The following PXN variants were observed in gnomAD, a reference collection of about 807,000 sequenced individuals.
PXN encodes the protein paxillin, also known as testicular tissue protein Li 134.
PXN carries 61 observed loss-of-function variants against 103.6 expected under a neutral mutation model. The observed-to-expected ratio is 0.59, with a 90% confidence interval of 0.48 to 0.73. The LOEUF is 0.73. Ranked by LOEUF, PXN falls within the 30% of genes least tolerant of loss-of-function variation. PXN has a pLI of 0.00. For missense variants in PXN, 1,274 were observed against 1,460.3 expected (o/e 0.87, Z 2.08); for synonymous variants, 562 against 607.8 (o/e 0.92, Z 1.11).
Position 120,212,492 on chromosome 12 carries a change from G to A in PXN, c.3068C>T (p.Ser1023Leu), listed in dbSNP as rs1335706570. 4 of 1,613,808 alleles carry A rather than the reference G, an allele frequency of 2.5e-6. No homozygotes were observed. The highest frequency in any genetic ancestry group is 3.4e-6 in the Non-Finnish European group (4 of 1,179,902). The change falls in exon 15 of 15, where the codon TCG becomes TTG. Residue 1023 changes from serine to leucine, a missense_variant. This residue lies in a region of PXN where 96 missense variants were observed against 151.3 expected (regional missense o/e 0.63). Coordinates refer to ENST00000637617, the MANE Select transcript of PXN (RefSeq NM_001385981.1). This position sits in a 1 kb window ranked among gnomAD's most constrained non-coding sequence, Gnocchi z 7.2. ...CEVHYHERRG[S>L]LCSGCQKPIT... ...GGGCTTCTGGCAGCCAGAACACAGC[G>A]AGCCGCGCCGCTCGTGGTAGTGCAC...
intron 1 of PXN, among the ~76,000 whole-genome samples, chr12:120,236,945 C>T (rs994194842): frequency 1.3e-5 from 2 of 151,936 alleles, no homozygotes; most frequent in African/African-American, 4.8e-5. Context: ...ATGAGGGCTA[C>T]AGTGCATGCC....
At chr12:120,218,677 G>A (rs367915126) in intron 7 of PXN, among the ~76,000 whole-genome samples, 3 of 152,154 alleles carry the variant, frequency 2.0e-5, no homozygotes, top group Non-Finnish European at 2.9e-5. Flanking sequence ...CACCTGGCCC[G>A]GCATAAAGTT....
Position 120,219,228 on chromosome 12 carries a change from C to T in PXN, c.1695G>A (p.Glu565=). The change falls in exon 7 of 15, where the codon GAG becomes GAA. Residue 565 remains glutamate (E), a synonymous_variant. Transcript: ENST00000637617. This position sits in a 1 kb window ranked among gnomAD's most constrained non-coding sequence, Gnocchi z 6.5. ...AMAMGTPSTT[E]RISTSGQIRS... ...CTGCCTGGCCAGAGGTGGAAATCCT[C>T]TCCGTGGTGCTGGGTGTGCCCATGG... is the stretch of plus-strand genomic sequence containing the variant. The T allele has an allele frequency of 6.3e-7, 1 of 1,583,694 alleles. No homozygotes were observed.
intron 1 of PXN, among the ~76,000 whole-genome samples, chr12:120,243,320 A>C (rs1890483985): frequency 6.6e-6 from 1 of 152,192 alleles, no homozygotes; most frequent in Admixed American, 6.5e-5. Context: ...CTCTTTCCAA[A>C]ATCTTATTAC....
intron 1 of PXN, among the ~76,000 whole-genome samples, chr12:120,261,083 G>C (rs889706172): frequency 6.6e-6 from 1 of 152,140 alleles, no homozygotes; most frequent in Admixed American, 6.5e-5. Context: ...GTAGTAATAC[G>C]ACTACTAATA....
At chr12:120,227,439 T>A (rs1443777614) in intron 1 of PXN, among the ~76,000 whole-genome samples, 1 of 152,236 alleles carries the variant, frequency 6.6e-6, no homozygotes, top group Non-Finnish European at 1.5e-5. Flanking sequence ...AGGTCAAGAC[T>A]ACAGTGAGCT....
rs765813826 is a variant in PXN at position 120,223,812 on chromosome 12, A to G, written c.262T>C (p.Tyr88His). ...HQQPQSSSPVYGSSAKTSSVS... is the reference protein window; with the variant it reads ...HQQPQSSSPVHGSSAKTSSVS... ...CTGGAAGTTTTGGCACTGGAGCCGT[A>G]CACAGGTGATGAGGACTGAGGCTGC... is the stretch of plus-strand genomic sequence containing the variant. Residue 88 changes from tyrosine (Y) to histidine (H), a missense_variant, in exon 3 of 15, where the codon TAC becomes CAC. Physicochemically the swap from Tyr to His is moderately conservative, Grantham distance 83. Around this residue, in one of 2 missense-constraint regions of PXN, gnomAD observed 1,178 missense variants for 1,309.0 expected, o/e 0.90. Transcript: ENST00000637617. 1.2e-6 allele frequency: 2 copies of G among 1,607,640 alleles called. No individual in the cohort carries two copies. The highest frequency in any genetic ancestry group is 2.2e-5 in the South Asian group (2 of 89,680).
chr12:120,256,749 G>A (rs1357097084), intron 1 of PXN, among the ~76,000 whole-genome samples: 3 of 152,058 alleles, frequency 2.0e-5, no homozygotes, highest in African/African-American at 4.8e-5. Flanking sequence ...ACGGAATCTC[G>A]CTCTGTCACC....
At chr12:120,226,152 C>G in intron 1 of PXN, 1 of 1,195,840 alleles carries the variant, frequency 8.4e-7, no homozygotes, top group Non-Finnish European at 1.1e-6. Context: ...CAGGGCCACA[C>G]CTGCTGTCTT....
chr12:120,227,231 T>A lies in PXN; in HGVS notation c.14-2854A>T, dbSNP rs990204577. On this transcript the variant is annotated intron_variant, in intron 1 of 14. Coordinates refer to ENST00000637617, the MANE Select transcript of PXN (RefSeq NM_001385981.1). Reference sequence around the variant, plus strand: ...AAATTTAAAAATTAGCTGGGTGTGGTGGCGCATGCCTATAGTCCCAGCTAT... The same window carrying A: ...AAATTTAAAAATTAGCTGGGTGTGGAGGCGCATGCCTATAGTCCCAGCTAT... 5 of 874,164 alleles carry A rather than the reference T, an allele frequency of 5.7e-6. No individual in the cohort carries two copies. In the African/African-American group the frequency reaches 7.3e-5, roughly 13 times the overall value. The allele number at this position is 874,164 out of a possible 1,614,324, so 54.2% of individuals were successfully genotyped here. A position where few individuals can be genotyped will look rare whatever the true frequency, so the allele number is the denominator to read the frequency against.
In PXN at chr12:120,216,562, G is replaced by A. The variant is rs1293757229; in HGVS notation, c.2012C>T (p.Ser671Phe). 2.1e-6 allele frequency: 3 copies of A among 1,425,170 alleles called. No individual in the cohort carries two copies. The highest frequency in any genetic ancestry group is 1.5e-5 in the South Asian group (1 of 68,146). 88.3% of individuals were successfully genotyped at this position (1,425,170 alleles called of 1,614,324 possible). ...GATGGTTCTTCTCAGGGGAATGGGAGAGCCAGGAGGGAAGACAACCTGGGG... is the reference window on the plus strand; with the variant it reads ...GATGGTTCTTCTCAGGGGAATGGGAAAGCCAGGAGGGAAGACAACCTGGGG... ...LVEKVVFPPG[S>F]PIPLRRTISV... is the part of the protein sequence containing the mutation. The change falls in exon 9 of 15, where the codon TCT becomes TTT. Residue 671 changes from serine (S) to phenylalanine (F), a missense_variant. Ser to Phe is a radical substitution (Grantham distance 155, BLOSUM62 -2). This residue lies in a region of PXN where 1,178 missense variants were observed against 1,309.0 expected (regional missense o/e 0.90). Transcript: ENST00000637617. The surrounding 1 kb of genome is among the most constrained non-coding windows in gnomAD (Gnocchi z 5.1).
intron 1 of PXN, among the ~76,000 whole-genome samples, chr12:120,234,706 T>C (rs1888693821): frequency 6.6e-6 from 1 of 152,122 alleles, no homozygotes; most frequent in Admixed American, 6.5e-5. Context: ...ACTAGATAAT[T>C]CTGGGCTTTA....
intron 1 of PXN, chr12:120,248,645 T>C (rs1485488529): frequency 3.9e-5 from 6 of 152,118 alleles, no homozygotes; most frequent in African/African-American, 1.4e-4. Flanking sequence ...CAAAGGGCTG[T>C]ATGCGACAGT....
Position 120,265,665 on chromosome 12 carries a change from GCTGCC to G in PXN, c.-41_-37del, listed in dbSNP as rs1440471405. The G allele has an allele frequency of 1.4e-6, 2 of 1,455,746 alleles. No homozygotes were observed. The highest frequency in any genetic ancestry group is 9.0e-7 in the Non-Finnish European group (1 of 1,107,888). The allele number at this position is 1,455,746 out of a possible 1,614,324, so 90.2% of individuals were successfully genotyped here. On this transcript the variant is annotated 5_prime_UTR_variant, in exon 1 of 15. Transcript: ENST00000637617. This position sits in a 1 kb window ranked among gnomAD's most constrained non-coding sequence, Gnocchi z 5.7. Reference sequence around the variant, plus strand: ...CGGGCGCCGGCTCAGGGTCGCGCTAGCTGCCCGTCCCGGGGCCGCTCGTCTATGCC... The same window carrying G: ...CGGGCGCCGGCTCAGGGTCGCGCTAGCGTCCCGGGGCCGCTCGTCTATGCC...
intron 1 of PXN, among the ~76,000 whole-genome samples, chr12:120,257,558 G>A (rs1299741633): frequency 6.6e-6 from 1 of 152,184 alleles, no homozygotes; most frequent in Non-Finnish European, 1.5e-5. Context: ...AGGCACCAGG[G>A]CCCTCACCTC....
rs1450580644 is a variant in PXN at position 120,239,251 on chromosome 12, A to G, written c.14-14874T>C. Among the ~76,000 whole-genome samples the G allele has an allele frequency of 3.3e-5, 5 of 152,216 alleles. No individual in the cohort carries two copies. In the East Asian group the frequency reaches 9.7e-4, roughly 29 times the overall value. On this transcript the variant is annotated intron_variant, in intron 1 of 14. Transcript: ENST00000637617. ...CACCTGAGGTCAAGAGTTCCAAACCAGCCTGGCCAATGTGGTGAGACCCTG... is the reference window on the plus strand; with the variant it reads ...CACCTGAGGTCAAGAGTTCCAAACCGGCCTGGCCAATGTGGTGAGACCCTG...
At position 120,217,006 on chromosome 12, in the gene PXN, G is replaced by T. The variant is rs1336739241; in HGVS notation, c.1827C>A (p.Ser609=). 1 of 1,572,272 alleles carries T rather than the reference G, an allele frequency of 6.4e-7. No homozygotes were observed. Among genetic ancestry groups the T allele is most frequent in the East Asian group, 2.3e-5 (1 of 43,582 alleles). Residue 609 remains serine, a synonymous_variant, in exon 8 of 15, where the codon TCC becomes TCA. Transcript: ENST00000637617. This position sits in a 1 kb window ranked among gnomAD's most constrained non-coding sequence, Gnocchi z 4.1. ...GCAGCTCCGCGATGAGCTGTTCCTG[G>T]GATGGGGTCCTGCTCAAGGTGGCAG... The part of the protein sequence containing the change: ...LDPATLSRTP[S]QEQLIAELQG...
chr12:120,230,474 G>A (rs1368871505), intron 1 of PXN, among the ~76,000 whole-genome samples: 3 of 152,192 alleles, frequency 2.0e-5, no homozygotes, highest in East Asian at 3.9e-4. Context: ...AGTTGCCCAC[G>A]CTCAGGGATA....
At chr12:120,235,291 G>A (rs920273221) in intron 1 of PXN, among the ~76,000 whole-genome samples, 2 of 152,264 alleles carry the variant, frequency 1.3e-5, no homozygotes, top group Admixed American at 1.3e-4. Flanking sequence ...GTGCCAAAAA[G>A]GGATCCAAAG....
Sources: allele counts gnomAD v4.1 joint callset (sites outside exome capture counted in the v4.1 genomes callset), GRCh38; gene constraint gnomAD v4.1.1; regional missense constraint gnomAD v4.1.1; non-coding constraint Gnocchi (gnomAD v3.1); transcripts MANE v1.5; gene names NCBI Gene and HGNC (gene_info 2026-07-23, HGNC 2026-07-21).